TRPM3: variants seen among roughly 807,000 people sequenced by gnomAD.
TRPM3 encodes long transient receptor potential channel 3.
TRPM3 carries 77 observed loss-of-function variants against 181.2 expected under a neutral mutation model. The ratio of observed to expected loss-of-function variants is 0.42; its 90% CI spans 0.35 to 0.51. TRPM3 has a LOEUF of 0.51. Among genes scored for constraint, TRPM3 ranks in the 20% least tolerant of loss-of-function variants. The pLI is 0.01. For missense variants in TRPM3, 1,759 were observed against 2,196.7 expected (o/e 0.80, Z 3.98); for synonymous variants, 745 against 796.4 (o/e 0.94, Z 1.09).
chr9:71,277,845 A>G (rs1279445560), intron 1 of TRPM3, among the ~76,000 whole-genome samples: 1 of 152,214 alleles, frequency 6.6e-6, no homozygotes, highest in Admixed American at 6.5e-5. Flanking sequence ...ATCGCACTCC[A>G]CACATGGGTT....
chr9:71,017,377 A>G (rs1201266033), intron 1 of TRPM3, among the ~76,000 whole-genome samples: 2 of 152,034 alleles, frequency 1.3e-5, no homozygotes, highest in African/African-American at 2.4e-5. Flanking sequence ...GACAAAAATT[A>G]AAAGACCAAT....
chr9:71,283,708 T>C (rs2085047106), intron 1 of TRPM3, among the ~76,000 whole-genome samples: 1 of 152,262 alleles, frequency 6.6e-6, no homozygotes, highest in South Asian at 2.1e-4. Flanking sequence ...TAATGCTGTT[T>C]TGAACGTGGC....
At chr9:71,223,049 G>A (rs2080341114) in intron 1 of TRPM3, among the ~76,000 whole-genome samples, 1 of 152,124 alleles carries the variant, frequency 6.6e-6, no homozygotes, top group Non-Finnish European at 1.5e-5. Flanking sequence ...TAGGGGCTGG[G>A]GGTGGTGGGC....
rs778575663 is a variant in TRPM3 at position 70,831,983 on chromosome 9, A to ATATATATATT, written c.802-3966_802-3965insAATATATATA. Among the ~76,000 whole-genome samples, 306 of 103,200 alleles carry ATATATATATT rather than the reference A, an allele frequency of 3.0e-3. 8 individuals are homozygous for ATATATATATT. Among genetic ancestry groups the ATATATATATT allele is most frequent in the Middle Eastern group, 0.014 (3 of 210 alleles). The allele number at this position is 103,200 out of a possible 152,430, so 67.7% of individuals were successfully genotyped here. A position where few individuals can be genotyped will look rare whatever the true frequency, so the allele number is the denominator to read the frequency against. On this transcript the variant is annotated intron_variant, in intron 5 of 25. Coordinates refer to ENST00000677713, the MANE Select transcript of TRPM3 (RefSeq NM_001366145.2). ...CATAAATATATATATATATATATATATATATATATATATACCTACTATGTA... is the reference window on the plus strand; with the variant it reads ...CATAAATATATATATATATATATATATATATATATTTATATATATATATACCTACTATGTA...
In TRPM3 at chr9:70,534,727, A is replaced by C. The variant is rs2041368875; in HGVS notation, c.*1226T>G. On this transcript the variant is annotated 3_prime_UTR_variant, in exon 26 of 26. Coordinates refer to ENST00000677713, the MANE Select transcript of TRPM3 (RefSeq NM_001366145.2). ...ATTTATAGTTTTGAAACTTCCTTAAAAAGTACTTTGGAACATTTCCATAGA... is the reference window on the plus strand; with the variant it reads ...ATTTATAGTTTTGAAACTTCCTTAACAAGTACTTTGGAACATTTCCATAGA... The C allele has an allele frequency of 6.6e-6, 1 of 152,244 alleles. No individual in the cohort carries two copies. Among genetic ancestry groups the C allele is most frequent in the Non-Finnish European group, 1.5e-5 (1 of 68,058 alleles). The allele number at this position is 152,244 out of a possible 1,614,324, so 9.4% of individuals were successfully genotyped here.
intron 11 of TRPM3, 117 bp from the exon 12 acceptor site, chr9:70,635,378 C>T: frequency 1.3e-6 from 1 of 755,354 alleles, no homozygotes; most frequent in South Asian, 1.6e-5. Context: ...TTAAGATGGA[C>T]CTTGTTCTAG....
chr9:71,398,991 C>A (rs2093269037), intron 1 of TRPM3, among the ~76,000 whole-genome samples: 1 of 151,914 alleles, frequency 6.6e-6, no homozygotes. Flanking sequence ...GTAAAATGAA[C>A]AATGCCCATA....
At chr9:70,608,001 T>TAA (rs1212625287) in intron 19 of TRPM3, among the ~76,000 whole-genome samples, 1 of 152,220 alleles carries the variant, frequency 6.6e-6, no homozygotes, top group African/African-American at 2.4e-5. Context: ...TTGTGAACTA[T>TAA]AACAAATGAA....
chr9:70,786,311 CAAAAA>C (rs71367227), intron 6 of TRPM3, among the ~76,000 whole-genome samples: 48 of 54,460 alleles, frequency 8.8e-4, no homozygotes, highest in African/African-American at 3.1e-3. Flanking sequence ...CTAAAAATAC[CAAAAA>C]AAAAAAAAAA....
At chr9:71,165,015 C>T (rs2076468791) in intron 1 of TRPM3, among the ~76,000 whole-genome samples, 1 of 152,124 alleles carries the variant, frequency 6.6e-6, no homozygotes, top group South Asian at 2.1e-4. Context: ...CATACTAAGT[C>T]TGATTGATCA....
chr9:70,647,377 T>G (rs1360044590), intron 9 of TRPM3, among the ~76,000 whole-genome samples: 2 of 152,132 alleles, frequency 1.3e-5, no homozygotes, highest in Admixed American at 1.3e-4. Flanking sequence ...GGATGCAAGG[T>G]TGGTTCACCA....
At chr9:71,248,451 AG>A (rs2082161682) in intron 1 of TRPM3, among the ~76,000 whole-genome samples, 1 of 152,236 alleles carries the variant, frequency 6.6e-6, no homozygotes, top group Non-Finnish European at 1.5e-5. Context: ...CAAAGCTAAC[AG>A]ACTGGGGATG....
chr9:71,226,008 G>GT (rs1489246472), intron 1 of TRPM3, among the ~76,000 whole-genome samples: 1 of 9,538 alleles, frequency 1.0e-4, no homozygotes, highest in Non-Finnish European at 2.7e-4. Context: ...ACAACAAAAG[G>GT]TAAAAAAAAA....
At chr9:71,219,695 T>G (rs1280297382) in intron 1 of TRPM3, among the ~76,000 whole-genome samples, 1 of 152,178 alleles carries the variant, frequency 6.6e-6, no homozygotes, top group East Asian at 1.9e-4. Flanking sequence ...ACTGACATGG[T>G]ATGAACAACA....
At chr9:70,740,441 C>T (rs1372427085) in intron 8 of TRPM3, among the ~76,000 whole-genome samples, 2 of 151,862 alleles carry the variant, frequency 1.3e-5, no homozygotes, top group Non-Finnish European at 2.9e-5. Context: ...ATTCCCATTG[C>T]ATACCACCAT....
At chr9:71,411,785 G>T (rs559369721) in intron 1 of TRPM3, among the ~76,000 whole-genome samples, 1 of 152,280 alleles carries the variant, frequency 6.6e-6, no homozygotes, top group South Asian at 2.1e-4. Context: ...AGCCTGCATT[G>T]CCAAGACAAT....
chr9:71,301,350 T>TC (rs2086757137), intron 1 of TRPM3, among the ~76,000 whole-genome samples: 3 of 152,112 alleles, frequency 2.0e-5, no homozygotes, highest in Admixed American at 2.0e-4. Context: ...CTAAAATAAT[T>TC]CCCAGGAGGG....
Position 70,796,469 on chromosome 9 carries a change from G to A in TRPM3, c.974-12190C>T, listed in dbSNP as rs139721178. Among the ~76,000 whole-genome samples the A allele has an allele frequency of 3.4e-3, 515 of 152,242 alleles. 2 individuals carry two copies. Among genetic ancestry groups the A allele is most frequent in the African/African-American group, 0.012 (491 of 41,548 alleles). On this transcript the variant is annotated intron_variant, in intron 6 of 25. Transcript: ENST00000677713. ...CAAAAAGCTCCATTTTCTCTTCAAG[G>A]AATTTTGTTTTTGATGTTGTCTCTG...
At chr9:71,336,522 C>A (rs1469848054) in intron 1 of TRPM3, among the ~76,000 whole-genome samples, 1 of 152,178 alleles carries the variant, frequency 6.6e-6, no homozygotes, top group African/African-American at 2.4e-5. Context: ...AATGGCCATA[C>A]TGCCCAAAGT....
Sources: gnomAD v4.1 joint callset for allele counts (sites outside exome capture counted in the v4.1 genomes callset) on GRCh38, gnomAD v4.1.1 for gene constraint, MANE v1.5 for transcripts, NCBI Gene and HGNC (gene_info 2026-07-23, HGNC 2026-07-21) for gene names.